Variants in MACROD2 observed in about 807,000 individuals in gnomAD.
The protein encoded by MACROD2 is ADP-ribose glycohydrolase MACROD2.
Under a neutral mutation model 70.4 loss-of-function variants are expected in MACROD2, and 36 were observed. The observed-to-expected ratio is 0.51, with a 90% CI of 0.39 to 0.68. The LOEUF (loss-of-function observed/expected upper bound fraction) is 0.68, where lower values mean the gene tolerates loss of function less well. Ranked by LOEUF, MACROD2 falls within the 30% of genes least tolerant of loss-of-function variation. MACROD2 has a pLI of 0.00. For missense variants in MACROD2, 496 were observed against 538.4 expected (o/e 0.92, Z 0.78); for synonymous variants, 172 against 178.8 (o/e 0.96, Z 0.30).
intron 8 of MACROD2, among the ~76,000 whole-genome samples, chr20:15,625,789 T>C (rs966114649): frequency 1.3e-5 from 2 of 151,846 alleles, no homozygotes; most frequent in African/African-American, 2.4e-5. Flanking sequence ...CTGGATTCTC[T>C]TTCCAGCAAT....
In MACROD2 at chr20:14,706,999, T is replaced by A. The variant is rs1204797633; in HGVS notation, c.418+22040T>A. 2.0e-5 allele frequency among the ~76,000 whole-genome samples: 3 copies of A among 152,184 alleles called. No individual in the cohort carries two copies. In the East Asian group the frequency reaches 5.8e-4, roughly 29 times the overall value. On this transcript the variant is annotated intron_variant, in intron 5 of 17. Transcript: ENST00000684519. ...ATCCAAGGCAGTAATTCTCCTTGCT[T>A]CTTTTTCCGCTTCCCTTCTTAGCCT...
intron 5 of MACROD2, among the ~76,000 whole-genome samples, chr20:14,913,953 G>A (rs747452030): frequency 1.5e-4 from 23 of 152,124 alleles, no homozygotes; most frequent in Non-Finnish European, 2.2e-4. Flanking sequence ...GGGCCATAGC[G>A]CAAGGCAGCT....
chr20:15,237,458 C>G (rs1377650623), intron 6 of MACROD2, among the ~76,000 whole-genome samples: 3 of 152,144 alleles, frequency 2.0e-5, no homozygotes, highest in Non-Finnish European at 4.4e-5. Context: ...TAGAATTTTA[C>G]TATAAATACT....
intron 15 of MACROD2, among the ~76,000 whole-genome samples, chr20:16,003,577 A>G (rs1027682411): frequency 2.0e-5 from 3 of 152,184 alleles, no homozygotes; most frequent in Admixed American, 6.5e-5. Context: ...TTGAATGTGC[A>G]TGAAATCACC....
Position 14,445,523 on chromosome 20 carries a change from G to A in MACROD2, c.272-47956G>A, listed in dbSNP as rs576675362. On this transcript the variant is annotated intron_variant, in intron 3 of 17. Transcript: ENST00000684519. ...CATTTCCCCAATTCCCCATTTTCCT[G>A]GTTGCTGTCATCCTCTGACTCATTC... Among the ~76,000 whole-genome samples the A allele has an allele frequency of 7.2e-5, 11 of 152,024 alleles. 1 individual carries two copies. In the South Asian group the frequency reaches 2.3e-3, roughly 32 times the overall value.
chr20:14,476,606 CT>C (rs1207404928), intron 3 of MACROD2, among the ~76,000 whole-genome samples: 2 of 152,214 alleles, frequency 1.3e-5, no homozygotes, highest in African/African-American at 4.8e-5. Context: ...ATCCGCCCAC[CT>C]CAGCCTCCCA....
chr20:14,704,545 C>T (rs1358108647), intron 5 of MACROD2, among the ~76,000 whole-genome samples: 1 of 152,142 alleles, frequency 6.6e-6, no homozygotes, highest in African/African-American at 2.4e-5. Flanking sequence ...AGATTCTTGT[C>T]TCAAGATCTT....
chr20:15,396,254 G>A (rs1568774729), intron 6 of MACROD2, among the ~76,000 whole-genome samples: 1 of 152,196 alleles, frequency 6.6e-6, no homozygotes, highest in Non-Finnish European at 1.5e-5. Flanking sequence ...TAGCATAGCA[G>A]TCATTGCCCT....
intron 5 of MACROD2, among the ~76,000 whole-genome samples, chr20:14,957,634 T>C (rs889193624): frequency 2.0e-5 from 3 of 152,156 alleles, no homozygotes; most frequent in Non-Finnish European, 4.4e-5. Context: ...GCAGTGCTGA[T>C]AGTGATGTCT....
chr20:15,617,916 A>T (rs1165188492), intron 8 of MACROD2, among the ~76,000 whole-genome samples: 2 of 152,122 alleles, frequency 1.3e-5, no homozygotes, highest in East Asian at 3.9e-4. Flanking sequence ...GGAACAAAGA[A>T]CAATTGATGC....
chr20:14,235,328 A>G (rs1457248569), intron 3 of MACROD2, among the ~76,000 whole-genome samples: 1 of 152,104 alleles, frequency 6.6e-6, no homozygotes, highest in Admixed American at 6.6e-5. Flanking sequence ...AATGACATCT[A>G]TTTTTCACAC....
At chr20:15,128,609 G>A (rs934725124) in intron 5 of MACROD2, among the ~76,000 whole-genome samples, 30 of 152,130 alleles carry the variant, frequency 2.0e-4, no homozygotes, top group South Asian at 6.2e-4. Context: ...AGCTGTGAGG[G>A]CCAATGGACT....
At chr20:14,916,324 A>G (rs1309449445) in intron 5 of MACROD2, among the ~76,000 whole-genome samples, 1 of 152,158 alleles carries the variant, frequency 6.6e-6, no homozygotes, top group South Asian at 2.1e-4. Context: ...ATACCCCTAA[A>G]GCCTCAGAAA....
chr20:14,544,319 C>T (rs1043854679), intron 4 of MACROD2, among the ~76,000 whole-genome samples: 1 of 150,872 alleles, frequency 6.6e-6, no homozygotes, highest in Non-Finnish European at 1.5e-5. Context: ...TGGGTGGCAG[C>T]ATAGTATGGT....
intron 3 of MACROD2, among the ~76,000 whole-genome samples, chr20:14,354,406 A>G (rs2083153214): frequency 6.6e-6 from 1 of 152,100 alleles, no homozygotes; most frequent in African/African-American, 2.4e-5. Context: ...TCGAAGAACC[A>G]TTTTTTATAC....
chr20:15,916,243 AGACAG>A (rs1200223943), intron 10 of MACROD2, among the ~76,000 whole-genome samples: 2 of 152,244 alleles, frequency 1.3e-5, no homozygotes, highest in African/African-American at 2.4e-5. Context: ...TCTTGGCCAG[AGACAG>A]CACTCCCTTG....
intron 4 of MACROD2, among the ~76,000 whole-genome samples, chr20:14,579,040 T>C (rs1182630522): frequency 6.6e-6 from 1 of 152,166 alleles, no homozygotes; most frequent in East Asian, 1.9e-4. Context: ...CATTTTACCA[T>C]TTCATTCTAT....
intron 5 of MACROD2, among the ~76,000 whole-genome samples, chr20:14,937,602 C>A (rs1205613735): frequency 6.6e-6 from 1 of 151,870 alleles, no homozygotes; most frequent in Non-Finnish European, 1.5e-5. Flanking sequence ...GTAATACATT[C>A]ATGTAATTTG....
intron 4 of MACROD2, among the ~76,000 whole-genome samples, chr20:14,601,488 C>T (rs1280819236): frequency 1.3e-5 from 2 of 151,466 alleles, no homozygotes; most frequent in Non-Finnish European, 2.9e-5. Context: ...AGATAAGCCA[C>T]AATACTTTTA....
Sources: allele counts gnomAD v4.1 joint callset (sites outside exome capture counted in the v4.1 genomes callset), GRCh38; gene constraint gnomAD v4.1.1; transcripts MANE v1.5; gene names NCBI Gene and HGNC (gene_info 2026-07-23, HGNC 2026-07-21).